The following TRABD2B variants were observed in gnomAD, a reference collection of about 807,000 sequenced individuals.
TRABD2B encodes metalloprotease TIKI2.
In TRABD2B, 14 loss-of-function variants were observed where a neutral mutation model predicts 40.1. The ratio of observed to expected loss-of-function variants is 0.35; its 90% CI spans 0.23 to 0.55. TRABD2B has a LOEUF of 0.55. Among genes scored for constraint, TRABD2B ranks in the 20% least tolerant of loss-of-function variants. The pLI is 0.90. For synonymous variants in TRABD2B, 263 were observed against 277.0 expected (o/e 0.95, Z 0.50); for missense variants, 541 against 648.6 (o/e 0.83, Z 1.80).
At chr1:47,926,906 G>A (rs1381820845) in intron 2 of TRABD2B, among the ~76,000 whole-genome samples, 1 of 152,188 alleles carries the variant, frequency 6.6e-6, no homozygotes, top group Non-Finnish European at 1.5e-5. Flanking sequence ...TGCAGGTTCA[G>A]TATACATCCT....
intron 2 of TRABD2B, among the ~76,000 whole-genome samples, chr1:47,990,755 T>G (rs2148458975): frequency 8.7e-6 from 1 of 115,412 alleles, no homozygotes; most frequent in African/African-American, 3.3e-5. Flanking sequence ...AAGTTGTTGG[T>G]TTTAAAACGT....
intron 2 of TRABD2B, among the ~76,000 whole-genome samples, chr1:47,970,673 T>C (rs1360652486): frequency 6.6e-6 from 1 of 152,198 alleles, no homozygotes; most frequent in Non-Finnish European, 1.5e-5. Flanking sequence ...CGGGGGTTGG[T>C]TGATCTGAGT....
At chr1:47,778,195 C>T (rs1445682499) in intron 5 of TRABD2B, among the ~76,000 whole-genome samples, 1 of 152,220 alleles carries the variant, frequency 6.6e-6, no homozygotes, top group African/African-American at 2.4e-5. Context: ...CGACCCAACC[C>T]ACCATCTGTA....
At chr1:47,782,675 C>G (rs1644541210) in intron 4 of TRABD2B, among the ~76,000 whole-genome samples, 2 of 152,226 alleles carry the variant, frequency 1.3e-5, no homozygotes, top group South Asian at 2.1e-4. Flanking sequence ...CCTCCAGATT[C>G]TACCAATCCC....
chr1:47,898,139 A>G (rs1192332625), intron 2 of TRABD2B, among the ~76,000 whole-genome samples: 1 of 152,214 alleles, frequency 6.6e-6, no homozygotes, highest in African/African-American at 2.4e-5. Flanking sequence ...TAAAAGGCAT[A>G]AAAGCAGGCA....
At chr1:47,820,504 G>A (rs886299211) in intron 2 of TRABD2B, among the ~76,000 whole-genome samples, 5 of 152,186 alleles carry the variant, frequency 3.3e-5, no homozygotes, top group African/African-American at 1.2e-4. Flanking sequence ...AGCTTGGTGA[G>A]GTACCAGGAA....
chr1:47,912,585 T>A (rs568558780), intron 2 of TRABD2B, among the ~76,000 whole-genome samples: 1 of 152,196 alleles, frequency 6.6e-6, no homozygotes, highest in Non-Finnish European at 1.5e-5. Flanking sequence ...TGTGTTCTAG[T>A]GGAAAAACAA....
At chr1:47,844,085 T>C (rs1049628326) in intron 2 of TRABD2B, among the ~76,000 whole-genome samples, 2 of 152,186 alleles carry the variant, frequency 1.3e-5, no homozygotes, top group African/African-American at 2.4e-5. Flanking sequence ...CCAAGTGCAC[T>C]GTGTTTGCTT....
intron 2 of TRABD2B, among the ~76,000 whole-genome samples, chr1:47,970,285 G>A (rs1645662857): frequency 6.6e-6 from 1 of 151,306 alleles, no homozygotes; most frequent in South Asian, 2.1e-4. Context: ...CTTTTCAAAA[G>A]GTCTTTTGAC....
chr1:47,783,036 G>T (rs1293805114), intron 4 of TRABD2B, among the ~76,000 whole-genome samples: 3 of 152,160 alleles, frequency 2.0e-5, no homozygotes, highest in East Asian at 1.9e-4. Context: ...GGACCATGGG[G>T]TGGGGGGGTT....
At chr1:47,993,645 C>G (rs1646045202) in intron 2 of TRABD2B, among the ~76,000 whole-genome samples, 1 of 152,180 alleles carries the variant, frequency 6.6e-6, no homozygotes, top group South Asian at 2.1e-4. Context: ...TGTCCACACA[C>G]CAGCCTCAAT....
In TRABD2B at chr1:47,877,452, C is replaced by T. The variant is rs571647419; in HGVS notation, c.667-75833G>A. Among the ~76,000 whole-genome samples, 321 of 152,304 alleles carry T rather than the reference C, an allele frequency of 2.1e-3. 4 individuals are homozygous for T. In the South Asian group the frequency reaches 0.035, roughly 17 times the overall value. ...TCCGTGTCCTCCCTTACTTCCCTCC[C>T]TCCCTCTTCTGTCCCTTGAATAAAT... On this transcript the variant is annotated intron_variant, in intron 2 of 6. Transcript: ENST00000606738.
chr1:47,822,149 TACAC>T (rs77773814), intron 2 of TRABD2B, among the ~76,000 whole-genome samples: 1 of 151,168 alleles, frequency 6.6e-6, no homozygotes, highest in Non-Finnish European at 1.5e-5. Context: ...TGTGTACACG[TACAC>T]ACACACACAC....
intron 2 of TRABD2B, among the ~76,000 whole-genome samples, chr1:47,982,203 G>A (rs1645850708): frequency 6.6e-6 from 1 of 152,152 alleles, no homozygotes; most frequent in Non-Finnish European, 1.5e-5. Context: ...CAGTGTGTGA[G>A]AGACCAAAGG....
intron 2 of TRABD2B, among the ~76,000 whole-genome samples, chr1:47,935,131 T>C (rs1403171685): frequency 6.6e-6 from 1 of 152,230 alleles, no homozygotes; most frequent in Non-Finnish European, 1.5e-5. Context: ...TCTTCTAGCA[T>C]GGCACACCAT....
intron 2 of TRABD2B, among the ~76,000 whole-genome samples, chr1:47,888,921 A>G (rs1012253214): frequency 6.6e-6 from 1 of 152,184 alleles, no homozygotes; most frequent in Non-Finnish European, 1.5e-5. Flanking sequence ...TTGTCACAAC[A>G]GTTAGCATCA....
chr1:47,899,486 C>T (rs182319509), intron 2 of TRABD2B, among the ~76,000 whole-genome samples: 43 of 152,312 alleles, frequency 2.8e-4, no homozygotes, highest in Admixed American at 1.4e-3. Context: ...CACTCCATTA[C>T]ATACAATGCC....
chr1:47,898,940 C>G (rs927886293), intron 2 of TRABD2B, among the ~76,000 whole-genome samples: 1 of 152,160 alleles, frequency 6.6e-6, no homozygotes, highest in African/African-American at 2.4e-5. Context: ...GACTCATTCA[C>G]TCATTCATTC....
intron 2 of TRABD2B, among the ~76,000 whole-genome samples, chr1:47,956,585 T>C (rs568539110): frequency 6.6e-6 from 1 of 152,332 alleles, no homozygotes; most frequent in African/African-American, 2.4e-5. Flanking sequence ...GAGGGTCCCA[T>C]GCCCATAGGG....
Sources: gnomAD v4.1 joint callset for allele counts (sites outside exome capture counted in the v4.1 genomes callset) on GRCh38, gnomAD v4.1.1 for gene constraint, MANE v1.5 for transcripts, NCBI Gene and HGNC (gene_info 2026-07-23, HGNC 2026-07-21) for gene names.